Variants in ST18 observed in about 807,000 individuals in gnomAD.
The protein encoded by ST18 is ST18 C2H2C-type zinc finger transcription factor.
A neutral mutation model predicts 110.0 loss-of-function variants in ST18; 50 were observed. That is an observed-to-expected ratio of 0.45 (90% CI 0.36 to 0.58). ST18 has a LOEUF of 0.58. ST18 is among the 20% of genes least tolerant of loss of function. The probability of loss-of-function intolerance (pLI) is 0.00; values close to 1 mark genes in which losing one functional copy is unlikely to be tolerated. For missense variants in ST18, 1,306 were observed against 1,280.1 expected (o/e 1.02, Z -0.31); for synonymous variants, 461 against 452.4 (o/e 1.02, Z -0.24).
At chr8:52,380,472 C>T (rs548721960) in intron 2 of ST18, among the ~76,000 whole-genome samples, 133 of 152,078 alleles carry the variant, frequency 8.7e-4, no homozygotes, top group Non-Finnish European at 1.8e-3. Flanking sequence ...GCATGGGAGA[C>T]GGGCACCCCT....
chr8:52,354,617 C>T (rs929169101), intron 2 of ST18, among the ~76,000 whole-genome samples: 3 of 152,056 alleles, frequency 2.0e-5, no homozygotes, highest in African/African-American at 4.8e-5. Context: ...TAGAAAGAGA[C>T]GAGGACCCTG....
chr8:52,127,920 A>G (rs1178215592), intron 22 of ST18, among the ~76,000 whole-genome samples: 2 of 152,074 alleles, frequency 1.3e-5, no homozygotes, highest in African/African-American at 4.8e-5. Flanking sequence ...GCAGAAAAAA[A>G]CGTGCCTTAT....
chr8:52,186,686 G>T (rs955478559), intron 8 of ST18, among the ~76,000 whole-genome samples: 1 of 152,198 alleles, frequency 6.6e-6, no homozygotes, highest in Non-Finnish European at 1.5e-5. Context: ...AATAAAAGAC[G>T]GTAGAATATT....
intron 2 of ST18, among the ~76,000 whole-genome samples, chr8:52,294,181 C>T (rs894865007): frequency 6.6e-6 from 1 of 152,190 alleles, no homozygotes; most frequent in African/African-American, 2.4e-5. Flanking sequence ...AGGACACTTC[C>T]ACATATCATA....
intron 2 of ST18, among the ~76,000 whole-genome samples, chr8:52,277,963 G>A (rs980078285): frequency 2.0e-5 from 3 of 152,056 alleles, no homozygotes; most frequent in Non-Finnish European, 4.4e-5. Context: ...GAGTCAACAG[G>A]ACACTTCATT....
At chr8:52,331,703 C>G (rs563442919) in intron 2 of ST18, among the ~76,000 whole-genome samples, 70 of 152,278 alleles carry the variant, frequency 4.6e-4, no homozygotes, top group Non-Finnish European at 9.3e-4. Flanking sequence ...TTAAACTGGT[C>G]CTTCATGGGG....
intron 2 of ST18, among the ~76,000 whole-genome samples, chr8:52,255,873 T>C (rs576220296): frequency 3.0e-4 from 45 of 152,386 alleles, no homozygotes; most frequent in African/African-American, 1.1e-3. Flanking sequence ...CAGTCTTCTC[T>C]TGCAGCAAGA....
At chr8:52,183,572 A>G (rs1255047761) in intron 8 of ST18, among the ~76,000 whole-genome samples, 1 of 152,242 alleles carries the variant, frequency 6.6e-6, no homozygotes, top group Non-Finnish European at 1.5e-5. Context: ...AGATAGTTAA[A>G]TTTTTGGAAT....
intron 2 of ST18, among the ~76,000 whole-genome samples, chr8:52,394,085 T>C (rs980434478): frequency 6.6e-6 from 1 of 152,122 alleles, no homozygotes; most frequent in Non-Finnish European, 1.5e-5. Context: ...CGCCCATTAA[T>C]GTGTGGTGTG....
At chr8:52,367,287 G>A (rs941223578) in intron 2 of ST18, among the ~76,000 whole-genome samples, 1 of 77,536 alleles carries the variant, frequency 1.3e-5, no homozygotes, top group Admixed American at 1.5e-4. Flanking sequence ...TTACCTTCTA[G>A]GTCGCATGCC....
chr8:52,290,059 A>G (rs914488954), intron 2 of ST18, among the ~76,000 whole-genome samples: 1 of 152,120 alleles, frequency 6.6e-6, no homozygotes, highest in Non-Finnish European at 1.5e-5. Flanking sequence ...ATCGACTCTT[A>G]TGGTACACCT....
chr8:52,382,983 G>A (rs1025789165), intron 2 of ST18, among the ~76,000 whole-genome samples: 1 of 152,106 alleles, frequency 6.6e-6, no homozygotes, highest in Admixed American at 6.5e-5. Context: ...ACGCTTTCCA[G>A]TAAACCTTTC....
At chr8:52,275,115 T>C (rs1253497483) in intron 2 of ST18, among the ~76,000 whole-genome samples, 1 of 152,160 alleles carries the variant, frequency 6.6e-6, no homozygotes, top group Non-Finnish European at 1.5e-5. Flanking sequence ...GCCCTAGACA[T>C]TCACCAATAT....
intron 6 of ST18, 157 bp from the exon 7 acceptor site, chr8:52,214,414 C>G (rs1011311064): frequency 1.9e-5 from 12 of 626,946 alleles, no homozygotes; most frequent in Non-Finnish European, 2.7e-5. Flanking sequence ...GTGACTCCCC[C>G]CACATACCAC....
intron 2 of ST18, among the ~76,000 whole-genome samples, chr8:52,249,752 A>G (rs538414823): frequency 1.3e-5 from 2 of 152,292 alleles, no homozygotes; most frequent in African/African-American, 4.8e-5. Context: ...GTAATAAAAT[A>G]CATGCATATT....
chr8:52,394,873 T>C (rs1244753200), intron 2 of ST18, among the ~76,000 whole-genome samples: 3 of 152,174 alleles, frequency 2.0e-5, no homozygotes, highest in African/African-American at 7.2e-5. Flanking sequence ...CTGTGCTTGG[T>C]ATTAACTGTT....
At chr8:52,396,789 G>A (rs188484940) in intron 2 of ST18, among the ~76,000 whole-genome samples, 1 of 152,302 alleles carries the variant, frequency 6.6e-6, no homozygotes, top group East Asian at 1.9e-4. Context: ...ATCACGTGGA[G>A]ATTACAATTC....
chr8:52,381,140 A>G lies in ST18; in HGVS notation c.-465+28188T>C, dbSNP rs1475443792. Among the ~76,000 whole-genome samples, 4 of 152,308 alleles carry G rather than the reference A, an allele frequency of 2.6e-5. No homozygotes were observed. In the East Asian group the frequency reaches 7.7e-4, roughly 29 times the overall value. Reference sequence around the variant, plus strand: ...CTAAATATCTCCACAAGTTCCCTGTATTTAGCAACTGAAGGATGTTCTGTA... The same window carrying G: ...CTAAATATCTCCACAAGTTCCCTGTGTTTAGCAACTGAAGGATGTTCTGTA... On this transcript the variant is annotated intron_variant, in intron 2 of 25. Transcript: ENST00000689386.
intron 2 of ST18, among the ~76,000 whole-genome samples, chr8:52,241,148 C>T (rs2093364187): frequency 6.6e-6 from 1 of 152,188 alleles, no homozygotes; most frequent in Non-Finnish European, 1.5e-5. Context: ...TCCTACTGTA[C>T]TGTGATTGTC....
Sources: allele counts gnomAD v4.1 joint callset (sites outside exome capture counted in the v4.1 genomes callset), GRCh38; gene constraint gnomAD v4.1.1; transcripts MANE v1.5; gene names NCBI Gene and HGNC (gene_info 2026-07-23, HGNC 2026-07-21).